TRPM3: variants seen among roughly 807,000 people sequenced by gnomAD.
TRPM3 encodes long transient receptor potential channel 3.
TRPM3 carries 77 observed loss-of-function variants against 181.2 expected under a neutral mutation model. The observed-to-expected ratio is 0.42, with a 90% CI of 0.35 to 0.51. The LOEUF is 0.51. Among genes scored for constraint, TRPM3 ranks in the 20% least tolerant of loss-of-function variants. The pLI is 0.01. For missense variants in TRPM3, 1,759 were observed against 2,196.7 expected (o/e 0.80, Z 3.98); for synonymous variants, 745 against 796.4 (o/e 0.94, Z 1.09).
intron 5 of TRPM3, among the ~76,000 whole-genome samples, chr9:70,841,656 ATAT>A (rs1564540523): frequency 6.7e-5 from 8 of 120,182 alleles, no homozygotes; most frequent in South Asian, 2.6e-4. Flanking sequence ...ATATATATAT[ATAT>A]ATCCCACCAT....
intron 14 of TRPM3, among the ~76,000 whole-genome samples, chr9:70,622,334 A>G (rs1031661178): frequency 6.6e-6 from 1 of 152,238 alleles, no homozygotes; most frequent in Admixed American, 6.5e-5. Context: ...AGACAAATGA[A>G]CAAGGAAACC....
intron 8 of TRPM3, among the ~76,000 whole-genome samples, chr9:70,683,293 C>T (rs1202397524): frequency 6.6e-6 from 1 of 152,044 alleles, no homozygotes; most frequent in Non-Finnish European, 1.5e-5. Context: ...GATCATAGCT[C>T]ACTGCAGCCT....
At chr9:70,607,719 T>TAACA (rs1053590342) in intron 19 of TRPM3, among the ~76,000 whole-genome samples, 13 of 152,228 alleles carry the variant, frequency 8.5e-5, no homozygotes, top group Admixed American at 3.3e-4. Context: ...TTTGCATTTC[T>TAACA]AACAAAACTC....
intron 1 of TRPM3, among the ~76,000 whole-genome samples, chr9:71,274,004 T>A (rs2083996143): frequency 6.6e-6 from 1 of 152,198 alleles, no homozygotes; most frequent in Non-Finnish European, 1.5e-5. Context: ...TGTCTATAGA[T>A]AAAATTCATT....
chr9:70,686,874 G>A (rs1220537632), intron 8 of TRPM3, among the ~76,000 whole-genome samples: 1 of 132,526 alleles, frequency 7.5e-6, no homozygotes, highest in Non-Finnish European at 1.6e-5. Context: ...CTCCCAGGCT[G>A]GAGTGCATGA....
upstream of TRPM3, among the ~76,000 whole-genome samples, chr9:71,125,056 G>A (rs2134419582): frequency 6.6e-6 from 1 of 152,250 alleles, no homozygotes; most frequent in South Asian, 2.1e-4. Context: ...AGCAACCAGG[G>A]GAAAAACCAG....
chr9:70,535,799 A>G lies in TRPM3; in HGVS notation c.*154T>C. On this transcript the variant is annotated 3_prime_UTR_variant, in exon 26 of 26. Coordinates refer to ENST00000677713, the MANE Select transcript of TRPM3 (RefSeq NM_001366145.2). ...CAAATGCTTTCTTGATCTGTGGCCC[A>G]GAAGTCACCTTTGAGTTAACACCTC... 6.7e-7 allele frequency: 1 copy of G among 1,495,216 alleles called. No individual in the cohort carries two copies. Among genetic ancestry groups the G allele is most frequent in the Non-Finnish European group, 8.8e-7 (1 of 1,131,010 alleles). The allele number at this position is 1,495,216 out of a possible 1,614,324, so 92.6% of individuals were successfully genotyped here. A position where few individuals can be genotyped will look rare whatever the true frequency, so the allele number is the denominator to read the frequency against.
At chr9:71,420,689 G>GAAA (rs2093720169) in intron 1 of TRPM3, among the ~76,000 whole-genome samples, 1 of 39,652 alleles carries the variant, frequency 2.5e-5, no homozygotes, top group Non-Finnish European at 4.9e-5. Flanking sequence ...GAAAGAGAAA[G>GAAA]GGAAAGAGAA....
intron 1 of TRPM3, among the ~76,000 whole-genome samples, chr9:71,317,661 GAA>G (rs1358729325): frequency 8.1e-6 from 1 of 123,040 alleles, no homozygotes; most frequent in East Asian, 2.5e-4. Flanking sequence ...AAAAGAAAAA[GAA>G]AAAATATATA....
At chr9:70,624,760 A>G (rs1001357705) in intron 14 of TRPM3, among the ~76,000 whole-genome samples, 1 of 152,212 alleles carries the variant, frequency 6.6e-6, no homozygotes. Flanking sequence ...TGCAAAAGGT[A>G]AAAAATGCTC....
chr9:70,994,165 G>A (rs2097521087), intron 1 of TRPM3, among the ~76,000 whole-genome samples: 2 of 152,186 alleles, frequency 1.3e-5, no homozygotes, highest in African/African-American at 4.8e-5. Context: ...TTTATTGGCT[G>A]TATAACCTTG....
chr9:71,023,583 G>C (rs990529743), intron 1 of TRPM3, among the ~76,000 whole-genome samples: 2 of 151,912 alleles, frequency 1.3e-5, no homozygotes, highest in African/African-American at 2.4e-5. Flanking sequence ...AAACAACCCA[G>C]ATGTCCTTCA....
At chr9:71,227,781 A>G (rs2080780720) in intron 1 of TRPM3, among the ~76,000 whole-genome samples, 1 of 152,142 alleles carries the variant, frequency 6.6e-6, no homozygotes, top group Admixed American at 6.5e-5. Context: ...CCAAGATTTA[A>G]TTATAAAGAA....
rs1023403386 is a variant in TRPM3 at position 70,744,114 on chromosome 9, G to C, written c.1272+17487C>G. Among the ~76,000 whole-genome samples the C allele has an allele frequency of 7.9e-5, 12 of 152,132 alleles. No individual in the cohort carries two copies. In the South Asian group the frequency reaches 1.7e-3, roughly 21 times the overall value. On this transcript the variant is annotated intron_variant, in intron 8 of 25. Coordinates refer to ENST00000677713, the MANE Select transcript of TRPM3 (RefSeq NM_001366145.2). The stretch of plus-strand genomic sequence containing the variant: ...AGGCCAAGGTGGGTGAATCACCCGA[G>C]GTCAGGAGTTCGAGACCAGCCTGGA...
At chr9:70,629,626 C>T (rs769019685) in intron 12 of TRPM3, among the ~76,000 whole-genome samples, 21 of 152,086 alleles carry the variant, frequency 1.4e-4, no homozygotes, top group Non-Finnish European at 2.9e-4. Flanking sequence ...CATGAGCCAC[C>T]GCTATAAAAC....
intron 3 of TRPM3, among the ~76,000 whole-genome samples, chr9:70,847,724 C>A (rs966643365): frequency 5.9e-5 from 9 of 152,150 alleles, no homozygotes; most frequent in African/African-American, 1.9e-4. Context: ...AACCTTGACT[C>A]TAGGTGGATG....
chr9:71,235,566 G>C (rs77410703), intron 1 of TRPM3, among the ~76,000 whole-genome samples: 2 of 152,172 alleles, frequency 1.3e-5, no homozygotes, highest in Non-Finnish European at 1.5e-5. Flanking sequence ...AATTAAGATA[G>C]TGTCTATGTT....
At chr9:70,649,056 A>G (rs1185318359) in intron 9 of TRPM3, among the ~76,000 whole-genome samples, 1 of 152,212 alleles carries the variant, frequency 6.6e-6, no homozygotes, top group Non-Finnish European at 1.5e-5. Context: ...TAAATGGACA[A>G]CCTAAAGAAT....
intron 1 of TRPM3, among the ~76,000 whole-genome samples, chr9:71,246,609 C>G (rs1198264536): frequency 1.3e-5 from 2 of 152,182 alleles, no homozygotes; most frequent in African/African-American, 4.8e-5. Context: ...TGTTTAATAG[C>G]CCTTTATACA....
Sources: gnomAD v4.1 joint callset for allele counts (sites outside exome capture counted in the v4.1 genomes callset) on GRCh38, gnomAD v4.1.1 for gene constraint, MANE v1.5 for transcripts, NCBI Gene and HGNC (gene_info 2026-07-23, HGNC 2026-07-21) for gene names.